STX8: variants seen among roughly 807,000 people sequenced by gnomAD.
STX8 encodes the protein syntaxin-8.
A neutral mutation model predicts 37.5 loss-of-function variants in STX8; 23 were observed. The observed-to-expected ratio is 0.61, with a 90% confidence interval of 0.44 to 0.87. The LOEUF is 0.87. STX8 is among the 40% of genes least tolerant of loss of function. The pLI is 0.00. For missense variants in STX8, 313 were observed against 284.7 expected (o/e 1.10, Z -0.71); for synonymous variants, 115 against 99.1 (o/e 1.16, Z -0.95).
rs555205407 is a variant in STX8, at chr17:9,504,651, A to G, written c.448+387T>C. Among the ~76,000 whole-genome samples the G allele has an allele frequency of 6.6e-5, 10 of 152,022 alleles. No homozygotes were observed. In the South Asian group the frequency reaches 8.3e-4, roughly 13 times the overall value. ...CCAGCAGTTTTCACTCCAATTTTCA[A>G]TGGGGATGAGGAACAAACAAGGCTC... On this transcript the variant is annotated intron_variant, in intron 5 of 7. Coordinates refer to ENST00000306357, the MANE Select transcript of STX8 (RefSeq NM_004853.3).
intron 7 of STX8, among the ~76,000 whole-genome samples, chr17:9,268,222 G>A (rs1907299932): frequency 6.6e-6 from 1 of 151,458 alleles, no homozygotes; most frequent in East Asian, 1.9e-4. Context: ...TTCACTAGGA[G>A]CAACACGAGA....
chr17:9,500,290 A>G (rs537411754), intron 5 of STX8, among the ~76,000 whole-genome samples: 1 of 152,218 alleles, frequency 6.6e-6, no homozygotes, highest in Non-Finnish European at 1.5e-5. Context: ...AAACAGGGTA[A>G]ATATACGAAA....
intron 6 of STX8, among the ~76,000 whole-genome samples, chr17:9,383,509 G>A (rs1183448878): frequency 1.3e-5 from 2 of 152,170 alleles, no homozygotes; most frequent in Non-Finnish European, 2.9e-5. Context: ...AAAACTCTCA[G>A]AGCTAACATC....
At chr17:9,568,320 G>C (rs1224453952) in intron 2 of STX8, 51 bp downstream of exon 2, 1 of 1,413,162 alleles carries the variant, frequency 7.1e-7, no homozygotes, top group South Asian at 1.2e-5. Context: ...AGGGTTTTCA[G>C]GCCTCAAAAC....
At chr17:9,264,588 A>G (rs1407086323) in intron 7 of STX8, among the ~76,000 whole-genome samples, 3 of 152,184 alleles carry the variant, frequency 2.0e-5, no homozygotes, top group African/African-American at 7.2e-5. Context: ...TACAGGCATG[A>G]GCCACTGCAC....
At chr17:9,439,551 G>A (rs1389629873) in intron 6 of STX8, among the ~76,000 whole-genome samples, 6 of 142,504 alleles carry the variant, frequency 4.2e-5, no homozygotes, top group African/African-American at 7.8e-5. Flanking sequence ...TTTTTTTTGC[G>A]GTGGTGTGAT....
intron 6 of STX8, among the ~76,000 whole-genome samples, chr17:9,396,854 A>T (rs1912423232): frequency 6.6e-6 from 1 of 152,226 alleles, no homozygotes; most frequent in Non-Finnish European, 1.5e-5. Flanking sequence ...AGAAGACTGG[A>T]GATTCCAGCA....
intron 6 of STX8, among the ~76,000 whole-genome samples, chr17:9,426,133 A>C (rs533622242): frequency 6.6e-6 from 1 of 152,284 alleles, no homozygotes; most frequent in Non-Finnish European, 1.5e-5. Context: ...GATTTATTCT[A>C]TGCTAATAAA....
At chr17:9,300,827 G>GTT (rs1908746773) in intron 7 of STX8, among the ~76,000 whole-genome samples, 2 of 107,592 alleles carry the variant, frequency 1.9e-5, no homozygotes, top group African/African-American at 3.3e-5. Context: ...TTCTTATTTT[G>GTT]TTCTTTTTTT....
intron 6 of STX8, among the ~76,000 whole-genome samples, chr17:9,472,824 G>T (rs913888159): frequency 2.0e-5 from 3 of 152,114 alleles, no homozygotes; most frequent in African/African-American, 7.2e-5. Context: ...GCTTTTCCTT[G>T]GAAAACCCTC....
chr17:9,319,122 T>TA (rs2142201800), intron 7 of STX8, among the ~76,000 whole-genome samples: 1 of 152,326 alleles, frequency 6.6e-6, no homozygotes, highest in South Asian at 2.1e-4. Flanking sequence ...GAGATGTTGA[T>TA]ATATTAAAAA....
At chr17:9,355,697 A>G (rs1910857214) in intron 7 of STX8, among the ~76,000 whole-genome samples, 1 of 151,736 alleles carries the variant, frequency 6.6e-6, no homozygotes, top group East Asian at 1.9e-4. Context: ...TTTAGTAGAG[A>G]TGGGATTTCA....
chr17:9,547,373 G>A (rs147749478), intron 3 of STX8: 11 of 152,036 alleles, frequency 7.2e-5, no homozygotes, highest in African/African-American at 2.7e-4. Flanking sequence ...GCCAGGTGTG[G>A]TGGCTTACGC....
chr17:9,410,941 C>T (rs779384488), intron 6 of STX8, among the ~76,000 whole-genome samples: 8 of 152,178 alleles, frequency 5.3e-5, no homozygotes, highest in African/African-American at 1.2e-4. Flanking sequence ...GGGCAATCAA[C>T]AAACATTTAC....
intron 6 of STX8, among the ~76,000 whole-genome samples, chr17:9,394,624 C>CA: frequency 6.6e-6 from 1 of 151,816 alleles, no homozygotes. Flanking sequence ...CTCAGCCTCC[C>CA]AAAGTGCTGG....
chr17:9,533,925 T>C (rs1905919020), intron 4 of STX8, among the ~76,000 whole-genome samples: 1 of 152,148 alleles, frequency 6.6e-6, no homozygotes, highest in Non-Finnish European at 1.5e-5. Context: ...AATATCTCCC[T>C]CCTGAACTAA....
chr17:9,430,679 T>C (rs1913928305), intron 6 of STX8, among the ~76,000 whole-genome samples: 1 of 145,110 alleles, frequency 6.9e-6, no homozygotes, highest in South Asian at 2.2e-4. Context: ...AGACAGAGTC[T>C]CGCTCTGTTG....
chr17:9,403,769 C>A (rs1180458280), intron 6 of STX8, among the ~76,000 whole-genome samples: 2 of 152,092 alleles, frequency 1.3e-5, no homozygotes, highest in Admixed American at 6.6e-5. Context: ...GCCTCAGCCT[C>A]CCGACTAGCT....
At chr17:9,550,670 A>G (rs2151913595) in intron 3 of STX8, among the ~76,000 whole-genome samples, 1 of 152,356 alleles carries the variant, frequency 6.6e-6, no homozygotes. Flanking sequence ...TCTCTGCTGT[A>G]GCCTGGTGAG....
Sources: allele counts gnomAD v4.1 joint callset (sites outside exome capture counted in the v4.1 genomes callset), GRCh38; gene constraint gnomAD v4.1.1; transcripts MANE v1.5; gene names NCBI Gene and HGNC (gene_info 2026-07-23, HGNC 2026-07-21).